CDC14A: variants seen among roughly 807,000 people sequenced by gnomAD.
The protein encoded by CDC14A is cell division cycle 14A.
In CDC14A, 53 loss-of-function variants were observed where a neutral mutation model predicts 74.4. The ratio of observed to expected loss-of-function variants is 0.71; its 90% CI spans 0.57 to 0.89. The LOEUF (loss-of-function observed/expected upper bound fraction) is 0.89. Among genes scored for constraint, CDC14A ranks in the 40% least tolerant of loss-of-function variants. The probability of loss-of-function intolerance (pLI) is 0.00; values close to 1 mark genes in which losing one functional copy is unlikely to be tolerated. For missense variants in CDC14A, 646 were observed against 713.7 expected, an observed-to-expected ratio of 0.91 and a Z score of 1.08; for synonymous variants, 247 against 258.4, an observed-to-expected ratio of 0.96 and a Z score of 0.43.
At chr1:100,347,540 C>T (rs1239898621), upstream of CDC14A, among the ~76,000 whole-genome samples, 2 of 152,186 alleles carry the variant, frequency 1.3e-5, no homozygotes, top group Non-Finnish European at 2.9e-5. Context: ...TTATCATTTG[C>T]GGGCAGACTT....
At chr1:100,500,509 G>A (rs1201471177) in intron 15 of CDC14A, among the ~76,000 whole-genome samples, 2 of 152,082 alleles carry the variant, frequency 1.3e-5, no homozygotes, top group South Asian at 2.1e-4. Context: ...TATAATCCCA[G>A]GACTTTGGGA....
chr1:100,365,310 A>G (rs1653413263), intron 2 of CDC14A, among the ~76,000 whole-genome samples: 1 of 152,230 alleles, frequency 6.6e-6, no homozygotes, highest in Admixed American at 6.5e-5. Context: ...GACCCAATGC[A>G]CTGAGAGGAC....
intron 7 of CDC14A, among the ~76,000 whole-genome samples, chr1:100,447,824 G>GTT (rs1464383148): frequency 6.6e-6 from 1 of 152,132 alleles, no homozygotes; most frequent in Admixed American, 6.6e-5. Flanking sequence ...GCTTTCTTCT[G>GTT]TTTTTTTGGG....
chr1:100,489,381 A>G (rs1670385005), intron 11 of CDC14A, among the ~76,000 whole-genome samples: 1 of 152,066 alleles, frequency 6.6e-6, no homozygotes, highest in African/African-American at 2.4e-5. Context: ...GCTATATTCT[A>G]TCTCATAGAT....
chr1:100,379,408 A>G (rs1403656080), intron 3 of CDC14A, among the ~76,000 whole-genome samples: 1 of 152,244 alleles, frequency 6.6e-6, no homozygotes, highest in Non-Finnish European at 1.5e-5. Flanking sequence ...CTTTAGGACA[A>G]TTAATGGGCA....
intron 2 of CDC14A, among the ~76,000 whole-genome samples, chr1:100,375,972 A>G (rs1168943583): frequency 6.6e-6 from 1 of 152,252 alleles, no homozygotes; most frequent in African/African-American, 2.4e-5. Flanking sequence ...GCAGCCATAA[A>G]AAATGATGAG....
chr1:100,510,756 T>C (rs898479151), intron 15 of CDC14A, among the ~76,000 whole-genome samples: 6 of 152,246 alleles, frequency 3.9e-5, no homozygotes, highest in African/African-American at 1.4e-4. Context: ...ACTTTGCCAA[T>C]TGGCTCCATC....
At chr1:100,442,083 C>T (rs1053841433) in intron 6 of CDC14A, among the ~76,000 whole-genome samples, 3 of 151,358 alleles carry the variant, frequency 2.0e-5, no homozygotes, top group Non-Finnish European at 4.4e-5. Flanking sequence ...TCTGAGCTAG[C>T]TGGATAGTTT....
intron 10 of CDC14A, among the ~76,000 whole-genome samples, chr1:100,478,530 A>T (rs992925088): frequency 2.0e-5 from 3 of 152,086 alleles, no homozygotes; most frequent in Admixed American, 1.3e-4. Context: ...TCCCACGGGG[A>T]TTTTCAGCTC....
At chr1:100,454,391 C>G (rs1365837883) in intron 7 of CDC14A, among the ~76,000 whole-genome samples, 1 of 151,898 alleles carries the variant, frequency 6.6e-6, no homozygotes. Context: ...GTAAAGACAG[C>G]GTAAGTGAAG....
At position 100,499,164 on chromosome 1, in the gene CDC14A, C is replaced by T; in HGVS notation, c.1657C>T (p.Pro553Ser). The T allele has an allele frequency of 6.2e-7, 1 of 1,614,140 alleles. No individual in the cohort carries two copies. Among genetic ancestry groups the T allele is most frequent in the South Asian group, 1.1e-5 (1 of 91,080 alleles). The change falls in exon 15 of 16, where the codon CCC becomes TCC. Residue 553 changes from proline to serine, a missense_variant. Transcript: ENST00000336454. ...NGGNLNSPPG[P>S]HSAKTEEHTT... Reference sequence around the variant, plus strand: ...GGGCAACCTGAACAGCCCCCCAGGCCCCCACAGCGCCAAGACAGAGGAGCA... The same window carrying T: ...GGGCAACCTGAACAGCCCCCCAGGCTCCCACAGCGCCAAGACAGAGGAGCA...
chr1:100,369,504 C>T (rs1654128818), intron 2 of CDC14A, among the ~76,000 whole-genome samples: 1 of 152,030 alleles, frequency 6.6e-6, no homozygotes, highest in African/African-American at 2.4e-5. Context: ...GATCATTTTT[C>T]ATATGTTAGG....
chr1:100,440,023 G>A, intron 6 of CDC14A, 25 bp downstream of exon 6: 1 of 1,535,022 alleles, frequency 6.5e-7, no homozygotes, highest in Non-Finnish European at 9.0e-7. Context: ...CCTTGCTGTA[G>A]TTGACACAGT....
intron 8 of CDC14A, among the ~76,000 whole-genome samples, chr1:100,460,253 C>A (rs11803701): frequency 1.3e-5 from 2 of 152,146 alleles, no homozygotes; most frequent in South Asian, 2.1e-4. Flanking sequence ...AATTTCTGTC[C>A]AGTGTTTTCT....
chr1:100,400,967 G>A (rs1429544308), intron 4 of CDC14A, among the ~76,000 whole-genome samples: 3 of 151,840 alleles, frequency 2.0e-5, no homozygotes, highest in African/African-American at 7.3e-5. Flanking sequence ...TGCACACACA[G>A]GCATACATAC....
intron 2 of CDC14A, among the ~76,000 whole-genome samples, chr1:100,359,890 C>T (rs187538693): frequency 6.6e-5 from 10 of 150,684 alleles, no homozygotes; most frequent in Admixed American, 4.6e-4. Context: ...TTCTTCTCTT[C>T]ATCCAAACCT....
At chr1:100,398,155 T>C (rs1425009542) in intron 4 of CDC14A, among the ~76,000 whole-genome samples, 1 of 152,008 alleles carries the variant, frequency 6.6e-6, no homozygotes, top group Non-Finnish European at 1.5e-5. Context: ...CTGAAGGAGG[T>C]CATTTATATA....
intron 2 of CDC14A, among the ~76,000 whole-genome samples, chr1:100,370,418 G>A (rs893717670): frequency 6.6e-6 from 1 of 151,978 alleles, no homozygotes; most frequent in Non-Finnish European, 1.5e-5. Flanking sequence ...ACGGCTCCTG[G>A]CCTCTTCTGG....
chr1:100,494,916 A>G lies in CDC14A; in HGVS notation c.1236A>G (p.Pro412=). 1 of 1,597,960 alleles carries G rather than the reference A, an allele frequency of 6.3e-7. No individual in the cohort carries two copies. The highest frequency in any genetic ancestry group is 8.6e-7 in the Non-Finnish European group (1 of 1,165,350). Residue 412 remains proline (P), a synonymous_variant, in exon 12 of 16, where the codon CCA becomes CCG. Coordinates refer to ENST00000336454, the MANE Select transcript of CDC14A (RefSeq NM_003672.4). The part of the protein sequence containing the change: ...LKSQRQPRTS[P]SCAFRSDDTK... ...GTCAGAGACAGCCACGTACCTCACC[A>G]TCCTGTGCATTTAGGTAGATCTGTT... is the stretch of plus-strand genomic sequence containing the variant.
Sources: allele counts gnomAD v4.1 joint callset (sites outside exome capture counted in the v4.1 genomes callset), GRCh38; gene constraint gnomAD v4.1.1; transcripts MANE v1.5; gene names NCBI Gene and HGNC (gene_info 2026-07-23, HGNC 2026-07-21).